SPAG1: variants seen among roughly 807,000 people sequenced by gnomAD.
SPAG1 encodes the protein sperm-associated antigen 1.
Under a neutral mutation model 100.5 loss-of-function variants are expected in SPAG1, and 69 were observed. The observed-to-expected ratio is 0.69, with a 90% CI of 0.57 to 0.84. The LOEUF is 0.84. Ranked by LOEUF, SPAG1 falls within the 40% of genes least tolerant of loss-of-function variation. SPAG1 has a pLI of 0.00. For missense variants in SPAG1, 955 were observed against 1,133.1 expected, an observed-to-expected ratio of 0.84 and a Z score of 2.26; for synonymous variants, 336 against 411.6, an observed-to-expected ratio of 0.82 and a Z score of 2.22.
At chr8:100,165,752 C>A in intron 2 of SPAG1, 62 bp from the exon 3 acceptor site, 2 of 1,415,280 alleles carry the variant, frequency 1.4e-6, no homozygotes, top group Non-Finnish European at 1.9e-6. Context: ...AGCCTGCAAA[C>A]CGCTGGTCTA....
At chr8:100,230,096 C>T (rs1364177792) in intron 14 of SPAG1, among the ~76,000 whole-genome samples, 5 of 152,166 alleles carry the variant, frequency 3.3e-5, no homozygotes. Context: ...TTACTATGGC[C>T]ATAGGACCAT....
intron 10 of SPAG1, among the ~76,000 whole-genome samples, chr8:100,203,369 A>G (rs1817372181): frequency 6.6e-6 from 1 of 152,250 alleles, no homozygotes; most frequent in South Asian, 2.1e-4. Flanking sequence ...CCCTCTAGAG[A>G]AACCTGACTA....
At chr8:100,190,271 C>G (rs371896984) in intron 8 of SPAG1, among the ~76,000 whole-genome samples, 63 of 151,102 alleles carry the variant, frequency 4.2e-4, no homozygotes, top group African/African-American at 1.5e-3. Context: ...CGAGATTGTG[C>G]CACTGCACTC....
chr8:100,178,987 T>C (rs1816247870), intron 4 of SPAG1, among the ~76,000 whole-genome samples: 1 of 146,292 alleles, frequency 6.8e-6, no homozygotes, highest in Non-Finnish European at 1.5e-5. Flanking sequence ...CTCAGCTTCC[T>C]GGGAGGCTGA....
At chr8:100,198,294 G>A (rs1243452115) in intron 10 of SPAG1, among the ~76,000 whole-genome samples, 3 of 152,016 alleles carry the variant, frequency 2.0e-5, no homozygotes, top group Admixed American at 6.6e-5. Context: ...AATCATAAAG[G>A]TGAATAATTT....
intron 10 of SPAG1, among the ~76,000 whole-genome samples, chr8:100,205,324 T>C (rs1817460742): frequency 6.6e-6 from 1 of 152,224 alleles, no homozygotes; most frequent in Non-Finnish European, 1.5e-5. Flanking sequence ...GAAAGGGAAA[T>C]GACATTTCAG....
intron 13 of SPAG1, among the ~76,000 whole-genome samples, chr8:100,221,548 C>A (rs908959432): frequency 6.6e-6 from 1 of 152,158 alleles, no homozygotes; most frequent in Admixed American, 6.5e-5. Context: ...GTACCCCATG[C>A]TAGTCTAGTG....
At chr8:100,171,918 G>A (rs766737784) in intron 3 of SPAG1, among the ~76,000 whole-genome samples, 10 of 151,362 alleles carry the variant, frequency 6.6e-5, no homozygotes, top group African/African-American at 1.2e-4. Context: ...TTTCTGAGAC[G>A]GAGTCTCGCT....
At chr8:100,172,632 A>ATGTGTG (rs1476386593) in intron 3 of SPAG1, among the ~76,000 whole-genome samples, 9 of 93,830 alleles carry the variant, frequency 9.6e-5, no homozygotes, top group African/African-American at 2.8e-4. Context: ...AAAAAGAAAT[A>ATGTGTG]TATGTGTGTG....
chr8:100,176,236 C>T (rs938576371), intron 3 of SPAG1, among the ~76,000 whole-genome samples: 2 of 152,154 alleles, frequency 1.3e-5, no homozygotes, highest in Non-Finnish European at 2.9e-5. Flanking sequence ...TCAAACCATC[C>T]TTTGCTGGCG....
intron 8 of SPAG1, among the ~76,000 whole-genome samples, chr8:100,190,667 T>C (rs986575390): frequency 5.6e-5 from 8 of 143,494 alleles, no homozygotes; most frequent in African/African-American, 1.3e-4. Context: ...TTTTTTCTTT[T>C]TTTTTTTTTT....
At chr8:100,227,473 C>T (rs577807576) in intron 14 of SPAG1, among the ~76,000 whole-genome samples, 2 of 152,144 alleles carry the variant, frequency 1.3e-5, no homozygotes, top group Non-Finnish European at 2.9e-5. Context: ...AAAGAGCAGA[C>T]AGGGAATATC....
At chr8:100,166,328 G>C (rs1815554570) in intron 3 of SPAG1, among the ~76,000 whole-genome samples, 1 of 151,478 alleles carries the variant, frequency 6.6e-6, no homozygotes, top group South Asian at 2.1e-4. Context: ...GCACGATCTT[G>C]GCTCACTGCA....
intron 10 of SPAG1, among the ~76,000 whole-genome samples, chr8:100,200,768 T>C (rs1817242903): frequency 6.6e-6 from 1 of 150,882 alleles, no homozygotes. Flanking sequence ...TCTGTTCATA[T>C]CCTTTGCCCA....
chr8:100,239,161 C>A lies in SPAG1; in HGVS notation c.2116-79C>A. The A allele has an allele frequency of 1.2e-6, 1 of 845,994 alleles. No individual in the cohort carries two copies. Among genetic ancestry groups the A allele is most frequent in the Non-Finnish European group, 1.9e-6 (1 of 540,220 alleles). 52.4% of individuals were successfully genotyped at this position (845,994 alleles called of 1,614,324 possible). The stretch of plus-strand genomic sequence containing the variant: ...TGCACACATACTGCACAGCTCACTA[C>A]ATCCACCCCACTCCCACTCAGGTTA... On this transcript the variant is annotated intron_variant, in intron 16 of 18. Coordinates refer to ENST00000388798, the MANE Select transcript of SPAG1 (RefSeq NM_003114.5). The surrounding 1 kb of genome is among the most constrained non-coding windows in gnomAD (Gnocchi z 5.0).
At chr8:100,225,716 C>A (rs560821127) in intron 14 of SPAG1, among the ~76,000 whole-genome samples, 1 of 152,296 alleles carries the variant, frequency 6.6e-6, no homozygotes, top group African/African-American at 2.4e-5. Flanking sequence ...CTCAAATGAT[C>A]TGCCTGCTTT....
chr8:100,163,183 A>C (rs1014830214), intron 2 of SPAG1, among the ~76,000 whole-genome samples: 2 of 152,076 alleles, frequency 1.3e-5, no homozygotes, highest in African/African-American at 4.8e-5. Context: ...GTGACTGTCC[A>C]ACTGAATATA....
intron 3 of SPAG1, among the ~76,000 whole-genome samples, chr8:100,175,632 G>C (rs537636589): frequency 1.9e-3 from 282 of 152,224 alleles, no homozygotes; most frequent in Middle Eastern, 6.8e-3. Context: ...CTGATCTAGA[G>C]GTTGAATTAG....
chr8:100,192,285 C>T (rs2132283822), intron 9 of SPAG1, among the ~76,000 whole-genome samples: 1 of 152,294 alleles, frequency 6.6e-6, no homozygotes, highest in Non-Finnish European at 1.5e-5. Flanking sequence ...GCCAACACTG[C>T]ACTCCAACTG....
Sources: allele counts gnomAD v4.1 joint callset (sites outside exome capture counted in the v4.1 genomes callset), GRCh38; gene constraint gnomAD v4.1.1; non-coding constraint Gnocchi (gnomAD v3.1); transcripts MANE v1.5; gene names NCBI Gene and HGNC (gene_info 2026-07-23, HGNC 2026-07-21).